FGF12: variants seen among roughly 807,000 people sequenced by gnomAD.
FGF12 encodes fibroblast growth factor 12B.
A neutral mutation model predicts 23.6 loss-of-function variants in FGF12; 14 were observed. The ratio of observed to expected loss-of-function variants is 0.59; its 90% confidence interval spans 0.39 to 0.93. FGF12 has a LOEUF of 0.93. Among genes scored for constraint, FGF12 ranks in the 40% least tolerant of loss-of-function variants. The pLI is 0.00. For synonymous variants in FGF12, 62 were observed against 77.3 expected, an observed-to-expected ratio of 0.80 and a Z score of 1.04; for missense variants, 175 against 217.8, an observed-to-expected ratio of 0.80 and a Z score of 1.24.
In FGF12 at chr3:192,305,679, A is replaced by AATATATATAT. The variant is rs1241285508; in HGVS notation, c.228+29672_228+29681dup. On this transcript the variant is annotated intron_variant, in intron 4 of 5. Coordinates refer to ENST00000445105, the MANE Select transcript of FGF12 (RefSeq NM_004113.6). Reference sequence around the variant, plus strand: ...AAGGTGGCTTAGGAAAAAAAAAAAAAATATATATATATATATAAATATATA... The same window carrying AATATATATAT: ...AAGGTGGCTTAGGAAAAAAAAAAAAAATATATATATATATATATATATATATAAATATATA... Among the ~76,000 whole-genome samples, 62 of 131,922 alleles carry AATATATATAT rather than the reference A, an allele frequency of 4.7e-4. No individual in the cohort carries two copies. In the South Asian group the frequency reaches 7.1e-3, roughly 15 times the overall value. 86.5% of individuals were successfully genotyped at this position (131,922 alleles called of 152,430 possible).
chr3:192,286,073 G>A (rs1051490480), intron 4 of FGF12, among the ~76,000 whole-genome samples: 3 of 151,998 alleles, frequency 2.0e-5, no homozygotes, highest in Non-Finnish European at 4.4e-5. Context: ...TGTGATGCAA[G>A]TGAAAATTCC....
intron 4 of FGF12, among the ~76,000 whole-genome samples, chr3:192,228,045 A>T (rs1041234324): frequency 1.3e-5 from 2 of 152,150 alleles, no homozygotes; most frequent in Admixed American, 1.3e-4. Context: ...CAAAGTTTTG[A>T]TCAGACAGGA....
intron 2 of FGF12, among the ~76,000 whole-genome samples, chr3:192,539,635 T>C (rs1274056011): frequency 2.6e-5 from 4 of 152,152 alleles, no homozygotes; most frequent in Non-Finnish European, 5.9e-5. Context: ...CTTTGTCTGG[T>C]TTTGGTATCA....
chr3:192,620,368 G>C (rs1415822112), intron 2 of FGF12, among the ~76,000 whole-genome samples: 1 of 152,094 alleles, frequency 6.6e-6, no homozygotes, highest in African/African-American at 2.4e-5. Context: ...TAATCGGAGA[G>C]TTTGCCAAAA....
chr3:192,593,509 A>G, intron 2 of FGF12, among the ~76,000 whole-genome samples: 1 of 151,942 alleles, frequency 6.6e-6, no homozygotes, highest in East Asian at 1.9e-4. Flanking sequence ...TTTGTTTGCT[A>G]CTGAATACCC....
intron 5 of FGF12, among the ~76,000 whole-genome samples, chr3:192,167,769 A>ATATATATATAT (rs1553845519): frequency 0.011 from 426 of 38,776 alleles, 40 homozygotes; most frequent in South Asian, 0.033. Context: ...ATATATATAT[A>ATATATATATAT]AAATTTTTTT....
At chr3:192,181,635 T>G (rs558397651) in intron 4 of FGF12, among the ~76,000 whole-genome samples, 114 of 150,802 alleles carry the variant, frequency 7.6e-4, no homozygotes, top group African/African-American at 2.5e-3. Flanking sequence ...ATTTGTTTTT[T>G]TTTTTTTTTT....
intron 4 of FGF12, among the ~76,000 whole-genome samples, chr3:192,311,741 T>A (rs1411526406): frequency 1.3e-5 from 2 of 152,222 alleles, no homozygotes; most frequent in African/African-American, 4.8e-5. Flanking sequence ...ACAAAATGCC[T>A]GCACCATTTT....
At chr3:192,427,630 C>A (rs1047646676) in intron 2 of FGF12, among the ~76,000 whole-genome samples, 6 of 152,156 alleles carry the variant, frequency 3.9e-5, no homozygotes, top group African/African-American at 1.4e-4. Context: ...TAGAGTGGTT[C>A]TCACATCATT....
At chr3:192,263,465 G>A (rs1712885325) in intron 4 of FGF12, among the ~76,000 whole-genome samples, 1 of 150,960 alleles carries the variant, frequency 6.6e-6, no homozygotes, top group Non-Finnish European at 1.5e-5. Flanking sequence ...AATTTGAGAA[G>A]TGCTAATTTA....
intron 2 of FGF12, among the ~76,000 whole-genome samples, chr3:192,646,885 GT>G (rs11372856): frequency 6.6e-6 from 1 of 151,952 alleles, no homozygotes; most frequent in Admixed American, 6.6e-5. Context: ...CATCAATAAA[GT>G]TTTTTTTAAA....
intron 2 of FGF12, among the ~76,000 whole-genome samples, chr3:192,448,294 C>G (rs1722420801): frequency 6.6e-6 from 1 of 152,180 alleles, no homozygotes; most frequent in African/African-American, 2.4e-5. Flanking sequence ...AAACTGTTTT[C>G]TTTTGAACAT....
chr3:192,150,516 T>C (rs985469261), intron 5 of FGF12, among the ~76,000 whole-genome samples: 2 of 141,278 alleles, frequency 1.4e-5, no homozygotes, highest in African/African-American at 5.3e-5. Flanking sequence ...AGGGATCCAG[T>C]TTCAGCTTCC....
chr3:192,708,884 ATTG>A (rs1160384402), intron 2 of FGF12, among the ~76,000 whole-genome samples: 3 of 152,350 alleles, frequency 2.0e-5, no homozygotes, highest in Admixed American at 2.0e-4. Context: ...TAATGTAATT[ATTG>A]TTAATATTAT....
At chr3:192,630,168 G>A (rs1241340632) in intron 2 of FGF12, among the ~76,000 whole-genome samples, 1 of 152,148 alleles carries the variant, frequency 6.6e-6, no homozygotes, top group African/African-American at 2.4e-5. Flanking sequence ...CTCTGGCCAT[G>A]TGATGCGCCT....
intron 4 of FGF12, among the ~76,000 whole-genome samples, chr3:192,192,442 A>G (rs1716840271): frequency 6.8e-6 from 1 of 148,012 alleles, no homozygotes; most frequent in Non-Finnish European, 1.5e-5. Flanking sequence ...ATTATATATG[A>G]TAAATATATA....
intron 2 of FGF12, among the ~76,000 whole-genome samples, chr3:192,456,338 G>T (rs183939058): frequency 6.6e-6 from 1 of 152,190 alleles, no homozygotes; most frequent in African/African-American, 2.4e-5. Flanking sequence ...AGAGGCAGAG[G>T]TCATCTGAGA....
At chr3:192,179,238 G>A (rs1716031046) in intron 4 of FGF12, among the ~76,000 whole-genome samples, 1 of 152,058 alleles carries the variant, frequency 6.6e-6, no homozygotes, top group African/African-American at 2.4e-5. Flanking sequence ...CAACTCTGCA[G>A]ATACGGAAAC....
chr3:192,368,065 G>T (rs538489117), intron 2 of FGF12, among the ~76,000 whole-genome samples: 1 of 152,010 alleles, frequency 6.6e-6, no homozygotes, highest in Non-Finnish European at 1.5e-5. Context: ...AGGGATAATC[G>T]GTGCATGCTA....
Sources: gnomAD v4.1 joint callset for allele counts (sites outside exome capture counted in the v4.1 genomes callset) on GRCh38, gnomAD v4.1.1 for gene constraint, MANE v1.5 for transcripts, NCBI Gene and HGNC (gene_info 2026-07-23, HGNC 2026-07-21) for gene names.